Variants in SHLD1 observed in about 807,000 individuals in gnomAD.
SHLD1 encodes RINN1-REV7-interacting novel NHEJ regulator 3.
Under a neutral mutation model 5.5 loss-of-function variants are expected in SHLD1, and 3 were observed. The observed-to-expected ratio is 0.54, with a 90% CI of 0.25 to 1.40. SHLD1 has a LOEUF of 1.40. Ranked by LOEUF, SHLD1 falls within the 40% of genes most tolerant of loss-of-function variation. The pLI is 0.15. For missense variants in SHLD1, 210 were observed against 244.4 expected (o/e 0.86, Z 0.94); for synonymous variants, 92 against 94.3 (o/e 0.98, Z 0.14).
At chr20:5,758,122 G>C (rs1984229958) in intron 1 of SHLD1, among the ~76,000 whole-genome samples, 1 of 151,812 alleles carries the variant, frequency 6.6e-6, no homozygotes, top group Non-Finnish European at 1.5e-5. Flanking sequence ...TTATCCAGGA[G>C]AGGGAGATGC....
intron 2 of SHLD1, among the ~76,000 whole-genome samples, chr20:5,784,458 T>A (rs906946434): frequency 1.3e-5 from 2 of 151,952 alleles, no homozygotes; most frequent in Non-Finnish European, 1.5e-5. Flanking sequence ...TAATTTTTTT[T>A]ATTTTATTTT....
intron 2 of SHLD1, among the ~76,000 whole-genome samples, chr20:5,844,799 A>ATATATATTTTTTT (rs1460082835): frequency 5.6e-5 from 4 of 71,692 alleles, no homozygotes; most frequent in East Asian, 3.7e-4. Flanking sequence ...ATATATATAT[A>ATATATATTTTTTT]TTTTTTTTTT....
chr20:5,852,647 G>T (rs1222989586), intron 2 of SHLD1, among the ~76,000 whole-genome samples: 1 of 152,068 alleles, frequency 6.6e-6, no homozygotes, highest in Non-Finnish European at 1.5e-5. Flanking sequence ...ACGGGGTTTT[G>T]CCATGTTGGC....
intron 2 of SHLD1, among the ~76,000 whole-genome samples, chr20:5,831,880 T>G (rs2087732483): frequency 6.6e-6 from 1 of 152,230 alleles, no homozygotes. Context: ...TTGTATTTTT[T>G]TTTCTTCTTT....
chr20:5,843,300 T>A (rs1026213122), intron 2 of SHLD1, among the ~76,000 whole-genome samples: 4 of 151,794 alleles, frequency 2.6e-5, no homozygotes, highest in Admixed American at 1.3e-4. Flanking sequence ...TTTTTCTTTT[T>A]TTTTTTTCCT....
intron 2 of SHLD1, among the ~76,000 whole-genome samples, chr20:5,790,508 A>C (rs1263112975): frequency 6.8e-6 from 1 of 147,224 alleles, no homozygotes; most frequent in Admixed American, 6.9e-5. Context: ...GCTGGAGTGC[A>C]ATGGTGCGAT....
At chr20:5,776,805 C>G (rs1301630602) in intron 2 of SHLD1, among the ~76,000 whole-genome samples, 3 of 151,838 alleles carry the variant, frequency 2.0e-5, no homozygotes, top group Non-Finnish European at 4.4e-5. Context: ...AAAAAAAAAG[C>G]ATTCACATTG....
At chr20:5,786,583 TAAAA>T (rs774493772) in intron 2 of SHLD1, among the ~76,000 whole-genome samples, 1 of 131,304 alleles carries the variant, frequency 7.6e-6, no homozygotes, top group Admixed American at 7.6e-5. Flanking sequence ...TCTTTTAAAT[TAAAA>T]AAAAAAAGAA....
At chr20:5,771,097 G>C (rs931041206) in intron 1 of SHLD1, among the ~76,000 whole-genome samples, 1 of 152,142 alleles carries the variant, frequency 6.6e-6, no homozygotes, top group Non-Finnish European at 1.5e-5. Context: ...TGGGTTCTTT[G>C]CTCTGTACAC....
intron 1 of SHLD1, 34 bp downstream of exon 1, chr20:5,750,513 T>TGGGGGGGG (rs1983680237): frequency 4.3e-5 from 1 of 23,280 alleles, no homozygotes; most frequent in African/African-American, 2.1e-4. Context: ...GGGGTTGGAG[T>TGGGGGGGG]GGTGGGGGCG....
chr20:5,837,732 C>G (rs1297822747), intron 2 of SHLD1, among the ~76,000 whole-genome samples: 1 of 152,178 alleles, frequency 6.6e-6, no homozygotes, highest in Non-Finnish European at 1.5e-5. Flanking sequence ...ATCATATGAA[C>G]AGTGGATTAA....
At chr20:5,755,005 G>A (rs112218339) in intron 1 of SHLD1, among the ~76,000 whole-genome samples, 6,722 of 151,548 alleles carry the variant, frequency 0.044, 510 homozygotes, top group African/African-American at 0.15. Context: ...GCAGTGAGCC[G>A]AGATCGTGCC....
intron 2 of SHLD1, among the ~76,000 whole-genome samples, chr20:5,807,078 G>A (rs562565820): frequency 9.8e-5 from 15 of 152,334 alleles, no homozygotes; most frequent in Non-Finnish European, 2.1e-4. Flanking sequence ...TTGCCCTCCT[G>A]GGTGGCCTTT....
At chr20:5,827,465 C>T (rs1235413292) in intron 2 of SHLD1, among the ~76,000 whole-genome samples, 1 of 152,202 alleles carries the variant, frequency 6.6e-6, no homozygotes, top group Non-Finnish European at 1.5e-5. Context: ...GAGCTCTGCA[C>T]AGTGCCCTAT....
At chr20:5,794,059 G>T (rs1291070191) in intron 2 of SHLD1, among the ~76,000 whole-genome samples, 1 of 151,602 alleles carries the variant, frequency 6.6e-6, no homozygotes, top group Non-Finnish European at 1.5e-5. Flanking sequence ...AAAAAATCAC[G>T]TTCTACATTT....
chr20:5,858,394 G>A (rs1049742116), intron 2 of SHLD1, among the ~76,000 whole-genome samples: 1 of 152,150 alleles, frequency 6.6e-6, no homozygotes, highest in Non-Finnish European at 1.5e-5. Context: ...TCCCTCATTA[G>A]ATATCTGGGT....
chr20:5,826,917 A>T (rs2087672619), intron 2 of SHLD1, among the ~76,000 whole-genome samples: 1 of 136,102 alleles, frequency 7.3e-6, no homozygotes, highest in African/African-American at 2.7e-5. Context: ...CCCCCCCTTC[A>T]CCACATCACC....
intron 2 of SHLD1, among the ~76,000 whole-genome samples, chr20:5,805,226 C>T (rs6085281): frequency 0.042 from 6,375 of 152,190 alleles, 298 homozygotes; most frequent in East Asian, 0.23. Flanking sequence ...GGCGCGATCT[C>T]GGCTTGCCAC....
intron 2 of SHLD1, among the ~76,000 whole-genome samples, chr20:5,836,001 G>A (rs575278288): frequency 6.6e-6 from 1 of 152,186 alleles, no homozygotes; most frequent in Non-Finnish European, 1.5e-5. Flanking sequence ...TTCCAAAGCA[G>A]GACCAGGAGT....
Sources: allele counts gnomAD v4.1 joint callset (sites outside exome capture counted in the v4.1 genomes callset), GRCh38; gene constraint gnomAD v4.1.1; transcripts MANE v1.5; gene names NCBI Gene and HGNC (gene_info 2026-07-23, HGNC 2026-07-21).